The following EPHA1 variants were observed in gnomAD, a reference collection of about 807,000 sequenced individuals.
EPHA1 encodes the protein ephrin type-A receptor 1.
In EPHA1, 92 loss-of-function variants were observed where a neutral mutation model predicts 110.1. The observed-to-expected ratio is 0.84, with a 90% CI of 0.71 to 0.99. EPHA1 has a LOEUF of 0.99. Among genes scored for constraint, EPHA1 ranks in the 50% least tolerant of loss-of-function variants. EPHA1 has a pLI of 0.00. For synonymous variants in EPHA1, 500 were observed against 516.1 expected, an observed-to-expected ratio of 0.97 and a Z score of 0.42; for missense variants, 1,204 against 1,285.4, an observed-to-expected ratio of 0.94 and a Z score of 0.97.
intron 1 of EPHA1, 41 bp from the exon 2 acceptor site, chr7:143,407,719 G>A (rs1805594388): frequency 6.4e-7 from 1 of 1,563,750 alleles, no homozygotes; most frequent in African/African-American, 1.4e-5. Context: ...CTCTGGGGGA[G>A]GAGGTGCCCC....
intron 2 of EPHA1, among the ~76,000 whole-genome samples, chr7:143,404,378 G>A (rs1805491191): frequency 6.6e-6 from 1 of 151,868 alleles, no homozygotes; most frequent in Admixed American, 6.6e-5. Context: ...CACCATGCCT[G>A]GCTAATTTTT....
At position 143,393,569 on chromosome 7, in the gene EPHA1, A is replaced by T; in HGVS notation, c.2696+102T>A. On this transcript the variant is annotated intron_variant, in intron 16 of 17. Coordinates refer to ENST00000275815, the MANE Select transcript of EPHA1 (RefSeq NM_005232.5). The surrounding 1 kb of genome is among the most constrained non-coding windows in gnomAD (Gnocchi z 5.6). ...TTGCCTCATACACTGGACTTGGTCC[A>T]GAGCTCCCCAGGCCCAGCGCTCAAA... 1 of 1,357,448 alleles carries T rather than the reference A, an allele frequency of 7.4e-7. No homozygotes were observed. The highest frequency in any genetic ancestry group is 2.5e-5 in the East Asian group (1 of 39,828). 84.1% of individuals were successfully genotyped at this position (1,357,448 alleles called of 1,614,324 possible).
Position 143,400,002 on chromosome 7 carries a change from C to T in EPHA1, c.484G>A (p.Gly162Ser), listed in dbSNP as rs1805375532. Residue 162 changes from glycine (G) to serine (S), a missense_variant, in exon 4 of 18, where the codon GGC becomes AGC. Gly to Ser is a moderately conservative substitution (Grantham distance 56). Coordinates refer to ENST00000275815, the MANE Select transcript of EPHA1 (RefSeq NM_005232.5). ...CGCTCCACATTCAGCTTCACGGAGCCAGACACAAGGTCTCGAATGGTGAAG... is the reference window on the plus strand; with the variant it reads ...CGCTCCACATTCAGCTTCACGGAGCTAGACACAAGGTCTCGAATGGTGAAG... ...QSFTIRDLVS[G>S]SVKLNVERCS... 2 of 1,613,634 alleles carry T rather than the reference C, an allele frequency of 1.2e-6. No homozygotes were observed. The highest frequency in any genetic ancestry group is 2.2e-5 in the South Asian group (2 of 91,056).
chr7:143,391,558 G>T, intron 17 of EPHA1, 23 bp from the exon 18 acceptor site: 3 of 1,614,114 alleles, frequency 1.9e-6, no homozygotes. Context: ...AAGGGTGGGG[G>T]CATGAGTCCG....
chr7:143,393,678 C>A lies in EPHA1; in HGVS notation c.2689G>T (p.Asp897Tyr), dbSNP rs746892705. The A allele has an allele frequency of 1.2e-6, 2 of 1,613,388 alleles. No homozygotes were observed. The highest frequency in any genetic ancestry group is 2.2e-5 in the South Asian group (2 of 91,008). The change falls in exon 16 of 18, where the codon GAC becomes TAC. Residue 897 changes from aspartate (D) to tyrosine (Y), a missense_variant. By Grantham distance (160) the Asp-to-Tyr change is radical. Transcript: ENST00000275815. The surrounding 1 kb of genome is among the most constrained non-coding windows in gnomAD (Gnocchi z 5.6). ...PHSLRTIANFDPRMTLRLPSL... is the reference protein window; with the variant it reads ...PHSLRTIANFYPRMTLRLPSL... ...CTTCCCCTGCATGGTTACCTGGGGTCAAAGTTGGCAATGGTCCGCAGGGAG... is the reference window on the plus strand; with the variant it reads ...CTTCCCCTGCATGGTTACCTGGGGTAAAAGTTGGCAATGGTCCGCAGGGAG...
chr7:143,391,341 A>C lies in EPHA1; in HGVS notation c.*116T>G. ...GGTTCTCCTGAAAGTGGGCAGAAGC[A>C]GCACCGATAGCCTAGTCTGGCAGGT... On this transcript the variant is annotated 3_prime_UTR_variant, in exon 18 of 18. Coordinates refer to ENST00000275815, the MANE Select transcript of EPHA1 (RefSeq NM_005232.5). 1 of 1,257,036 alleles carries C rather than the reference A, an allele frequency of 8.0e-7. No homozygotes were observed. The highest frequency in any genetic ancestry group is 1.5e-5 in the African/African-American group (1 of 67,464). 77.9% of individuals were successfully genotyped at this position (1,257,036 alleles called of 1,614,324 possible).
chr7:143,402,573 T>C (rs1805453815), intron 2 of EPHA1, among the ~76,000 whole-genome samples: 1 of 152,344 alleles, frequency 6.6e-6, no homozygotes, highest in South Asian at 2.1e-4. Flanking sequence ...TTTGTATTTT[T>C]AGTAGAGACA....
chr7:143,392,562 C>A (rs1037075027), intron 16 of EPHA1, among the ~76,000 whole-genome samples: 1 of 151,392 alleles, frequency 6.6e-6, no homozygotes, highest in Admixed American at 6.6e-5. Flanking sequence ...CCCCACCCCC[C>A]CATCAGTTCA....
chr7:143,396,829 C>T (rs868026375), intron 10 of EPHA1: 1 of 359,308 alleles, frequency 2.8e-6, no homozygotes, highest in African/African-American at 2.0e-5. Flanking sequence ...GTCAGTCACA[C>T]CTCGTTCACA....
At position 143,398,914 on chromosome 7, in the gene EPHA1, G is replaced by A; in HGVS notation, c.1023C>T (p.Phe341=). 6.2e-7 allele frequency: 1 copy of A among 1,612,414 alleles called. No individual in the cohort carries two copies. Among genetic ancestry groups the A allele is most frequent in the Non-Finnish European group, 8.5e-7 (1 of 1,179,172 alleles). The change falls in exon 6 of 18, where the codon TTC becomes TTT. Residue 341 remains phenylalanine, a synonymous_variant. Transcript: ENST00000275815. ...GPPSAPRNLS[F]SASGTQLSLR... ...GGGAGAGCTGAGTCCCTGAGGCAGA[G>A]AAGCTCAGGTTTCGGGGGGCCGAGG...
At chr7:143,394,430 T>C in intron 14 of EPHA1, 87 bp from the exon 15 acceptor site, 1 of 1,439,632 alleles carries the variant, frequency 6.9e-7, no homozygotes, top group Non-Finnish European at 9.2e-7. Flanking sequence ...ATTTTTATTT[T>C]ATTTTTTTTG....
rs1311494705 is a variant in EPHA1, at chr7:143,395,068, C to T, written c.2145+53G>A. ...GGATGGGCCAGGTCTCCTCCCAGTGCCCAGGGTACCATGGTGCATCCCCCT... is the reference window on the plus strand; with the variant it reads ...GGATGGGCCAGGTCTCCTCCCAGTGTCCAGGGTACCATGGTGCATCCCCCT... On this transcript the variant is annotated intron_variant, in intron 13 of 17. Coordinates refer to ENST00000275815, the MANE Select transcript of EPHA1 (RefSeq NM_005232.5). This position sits in a 1 kb window ranked among gnomAD's most constrained non-coding sequence, Gnocchi z 4.7. 6 of 1,613,832 alleles carry T rather than the reference C, an allele frequency of 3.7e-6. No individual in the cohort carries two copies. Among genetic ancestry groups the T allele is most frequent in the Non-Finnish European group, 5.1e-6 (6 of 1,179,870 alleles).
intron 10 of EPHA1, 46 bp from the exon 11 acceptor site, chr7:143,396,556 G>A: frequency 6.2e-7 from 1 of 1,600,734 alleles, no homozygotes; most frequent in African/African-American, 1.3e-5. Context: ...TCAGGGCTCA[G>A]GAGTATGGGG....
intron 15 of EPHA1, among the ~76,000 whole-genome samples, 154 bp downstream of exon 15, chr7:143,394,040 G>A (rs964081894): frequency 2.0e-5 from 3 of 151,990 alleles, no homozygotes; most frequent in Admixed American, 6.6e-5. Flanking sequence ...AGAGAGCAGG[G>A]CATGAGGTGA....
rs770297450 is a variant in EPHA1, at chr7:143,400,053, C to T, written c.433G>A (p.Val145Ile). ...CTCTGGTCTGCAGCCACCGTGGTTA[C>T]CTGGGTAGAAGGTGGGGAAGAAAGG... ...IQLRRPLFQKVTTVAADQSFT... is the reference protein window; with the variant it reads ...IQLRRPLFQKITTVAADQSFT... The change falls in exon 4 of 18, where the codon GTA (valine) becomes ATA (isoleucine). Residue 145 changes from valine to isoleucine, a missense_variant and splice_region_variant. Transcript: ENST00000275815. 50 of 1,595,120 alleles carry T rather than the reference C, an allele frequency of 3.1e-5. No homozygotes were observed. Among genetic ancestry groups the T allele is most frequent in the Non-Finnish European group, 4.2e-5 (49 of 1,167,146 alleles).
Position 143,391,619 on chromosome 7 carries a change from C to T in EPHA1, c.2852+1G>A. The stretch of plus-strand genomic sequence containing the variant: ...CTGCCCAGACAGCTCCAGCTCCTTA[C>T]TCAGCGGTCAGCTCCAGCACACACT... On this transcript the variant is annotated splice_donor_variant, in intron 17 of 17. Transcript: ENST00000275815. LOFTEE classifies it high-confidence loss of function. 1.2e-6 allele frequency: 2 copies of T among 1,614,162 alleles called. No homozygotes were observed. Among genetic ancestry groups the T allele is most frequent in the Non-Finnish European group, 1.7e-6 (2 of 1,180,024 alleles).
chr7:143,398,680 C>T lies in EPHA1; in HGVS notation c.1257G>A (p.Val419=). The T allele has an allele frequency of 6.2e-7, 1 of 1,614,108 alleles. No homozygotes were observed. The part of the protein sequence containing the change: ...LEPYANYTFN[V]EAQNGVSGLG... Reference sequence around the variant, plus strand: ...GCCCTGACACTCCATTTTGGGCTTCCACATTAAAGGTGTAGTTGGCATAAG... The same window carrying T: ...GCCCTGACACTCCATTTTGGGCTTCTACATTAAAGGTGTAGTTGGCATAAG... Residue 419 remains valine, a synonymous_variant, in exon 6 of 18, where the codon GTG becomes GTA. Transcript: ENST00000275815.
At chr7:143,408,509 G>C (rs117926980) in intron 1 of EPHA1, among the ~76,000 whole-genome samples, 3,378 of 152,144 alleles carry the variant, frequency 0.022, 69 homozygotes, top group Non-Finnish European at 0.034. Flanking sequence ...CTGCGGGAGT[G>C]GGGGTGACTG....
Position 143,398,847 on chromosome 7 carries a change from C to T in EPHA1, c.1090G>A (p.Val364Ile), listed in dbSNP as rs1269108743. The change falls in exon 6 of 18, where the codon GTC becomes ATC. Residue 364 changes from valine (V) to isoleucine (I), a missense_variant. Val to Ile is a conservative substitution (Grantham distance 29). Transcript: ENST00000275815. The part of the protein sequence containing the change: ...PPADTGGRQD[V>I]RYSVRCSQCQ... ...TGGGAACACCTCACACTGTATCTGACATCCTGGCGTCCCCCCGTATCTGCT... is the reference window on the plus strand; with the variant it reads ...TGGGAACACCTCACACTGTATCTGATATCCTGGCGTCCCCCCGTATCTGCT... 6.8e-6 allele frequency: 11 copies of T among 1,613,386 alleles called. No individual in the cohort carries two copies. The highest frequency in any genetic ancestry group is 5.3e-5 in the African/African-American group (4 of 74,936).
Sources: gnomAD v4.1 joint callset for allele counts (sites outside exome capture counted in the v4.1 genomes callset) on GRCh38, gnomAD v4.1.1 for gene constraint, Gnocchi (gnomAD v3.1) non-coding constraint, MANE v1.5 for transcripts, NCBI Gene and HGNC (gene_info 2026-07-23, HGNC 2026-07-21) for gene names.